ME3: variants seen among roughly 807,000 people sequenced by gnomAD.
The protein encoded by ME3 is malic enzyme 3, also known as NADP-dependent malic enzyme, mitochondrial.
A neutral mutation model predicts 68.9 loss-of-function variants in ME3; 48 were observed. The observed-to-expected ratio is 0.70, with a 90% confidence interval of 0.55 to 0.89. ME3 has a LOEUF of 0.89. Ranked by LOEUF, ME3 falls within the 40% of genes least tolerant of loss-of-function variation. The pLI is 0.00. For synonymous variants in ME3, 320 were observed against 318.8 expected (o/e 1.00, Z -0.04); for missense variants, 675 against 797.4 (o/e 0.85, Z 1.85).
intron 7 of ME3, among the ~76,000 whole-genome samples, chr11:86,486,464 A>AT (rs1227329664): frequency 6.6e-6 from 1 of 152,164 alleles, no homozygotes; most frequent in Non-Finnish European, 1.5e-5. Flanking sequence ...GCCCACCCAG[A>AT]TGAGACTTTG....
chr11:86,461,324 G>A (rs554962402), intron 8 of ME3, among the ~76,000 whole-genome samples: 12 of 152,312 alleles, frequency 7.9e-5, no homozygotes, highest in African/African-American at 2.6e-4. Flanking sequence ...GTGAGGGAGG[G>A]GGGGATGTTG....
intron 2 of ME3, among the ~76,000 whole-genome samples, chr11:86,644,152 A>T (rs534616261): frequency 2.0e-5 from 3 of 152,274 alleles, no homozygotes; most frequent in Admixed American, 2.0e-4. Context: ...CCAAGAACAC[A>T]GTGGGGCAGC....
intron 2 of ME3, among the ~76,000 whole-genome samples, chr11:86,634,464 A>T (rs984143991): frequency 6.6e-6 from 1 of 152,206 alleles, no homozygotes; most frequent in Non-Finnish European, 1.5e-5. Context: ...TAATCAGATC[A>T]TGAGACTGTC....
chr11:86,516,264 C>T (rs185471350), intron 4 of ME3, among the ~76,000 whole-genome samples: 2 of 152,184 alleles, frequency 1.3e-5, no homozygotes, highest in Non-Finnish European at 2.9e-5. Context: ...GGCATGCTAC[C>T]TACCTATGGA....
intron 2 of ME3, among the ~76,000 whole-genome samples, chr11:86,635,322 G>A (rs542618853): frequency 2.0e-5 from 3 of 152,308 alleles, no homozygotes; most frequent in African/African-American, 7.2e-5. Flanking sequence ...ACGTGAGGAC[G>A]CCGTGAGAAT....
At chr11:86,606,796 G>A (rs1046823381) in intron 2 of ME3, among the ~76,000 whole-genome samples, 2 of 152,168 alleles carry the variant, frequency 1.3e-5, no homozygotes, top group African/African-American at 4.8e-5. Flanking sequence ...TATTTGTCTT[G>A]AAAATCTGGC....
At chr11:86,493,736 T>C (rs1489653926) in intron 6 of ME3, among the ~76,000 whole-genome samples, 2 of 152,220 alleles carry the variant, frequency 1.3e-5, no homozygotes, top group East Asian at 3.9e-4. Flanking sequence ...CTCCTTGGTA[T>C]TGGCAGGTAA....
chr11:86,515,960 G>C (rs1024196050), intron 4 of ME3, among the ~76,000 whole-genome samples: 1 of 152,104 alleles, frequency 6.6e-6, no homozygotes, highest in Non-Finnish European at 1.5e-5. Context: ...TAGGCTGCCC[G>C]GGGATCCCAA....
At chr11:86,668,636 T>A (rs2135524001) in intron 2 of ME3, among the ~76,000 whole-genome samples, 1 of 152,340 alleles carries the variant, frequency 6.6e-6, no homozygotes, top group Middle Eastern at 3.4e-3. Context: ...ACAGATCACA[T>A]GGCCAGAGCA....
chr11:86,517,313 A>G (rs1408221434), intron 4 of ME3, among the ~76,000 whole-genome samples: 1 of 152,122 alleles, frequency 6.6e-6, no homozygotes, highest in Non-Finnish European at 1.5e-5. Flanking sequence ...AGTTCCAGAT[A>G]AGACTACTTC....
intron 4 of ME3, among the ~76,000 whole-genome samples, chr11:86,549,355 T>TA (rs1956546880): frequency 6.6e-6 from 1 of 152,240 alleles, no homozygotes; most frequent in South Asian, 2.1e-4. Context: ...CCTCTTTCCA[T>TA]AATATTCCTT....
At position 86,510,640 on chromosome 11, in the gene ME3, G is replaced by C. The variant is rs687669; in HGVS notation, c.468-1773C>G. Among the ~76,000 whole-genome samples, 360 of 152,132 alleles carry C rather than the reference G, an allele frequency of 2.4e-3. 11 individuals are homozygous for C. In the East Asian group the frequency reaches 0.058, roughly 25 times the overall value. ...TTGTCCTGCACATTGTAGCATGTTT[G>C]GCAACATCCTTGGCCTCTACTTTCC... On this transcript the variant is annotated intron_variant, in intron 4 of 14. Transcript: ENST00000543262.
chr11:86,509,398 T>TCACACA (rs3045014), intron 4 of ME3, among the ~76,000 whole-genome samples: 19 of 144,658 alleles, frequency 1.3e-4, no homozygotes, highest in African/African-American at 3.9e-4. Context: ...TACTCCATCA[T>TCACACA]CACACACACA....
chr11:86,657,280 A>G (rs1022801599), intron 2 of ME3, among the ~76,000 whole-genome samples: 3 of 152,190 alleles, frequency 2.0e-5, no homozygotes, highest in Admixed American at 1.3e-4. Context: ...ATGGAATACT[A>G]TGCAGCCATA....
intron 4 of ME3, among the ~76,000 whole-genome samples, chr11:86,548,620 T>A (rs1956496997): frequency 6.6e-6 from 1 of 152,176 alleles, no homozygotes; most frequent in Admixed American, 6.5e-5. Flanking sequence ...TACTTTTGCA[T>A]TTTCCTCCCT....
At chr11:86,450,479 A>C in intron 8 of ME3, 81 bp from the exon 9 acceptor site, 2 of 1,168,728 alleles carry the variant, frequency 1.7e-6, no homozygotes, top group Non-Finnish European at 2.5e-6. Flanking sequence ...AGTTCCCCAC[A>C]TCTGGGACTG....
At chr11:86,569,430 C>G (rs1957669687) in intron 2 of ME3, among the ~76,000 whole-genome samples, 1 of 152,294 alleles carries the variant, frequency 6.6e-6, no homozygotes, top group African/African-American at 2.4e-5. Context: ...CCTGCAACCT[C>G]CAGGAGGCCT....
chr11:86,583,293 G>C (rs1397334867), intron 2 of ME3, among the ~76,000 whole-genome samples: 1 of 152,192 alleles, frequency 6.6e-6, no homozygotes, highest in Admixed American at 6.5e-5. Context: ...TGACACAGCA[G>C]ATATTAGGTT....
At chr11:86,644,520 C>A (rs748478194) in intron 2 of ME3, among the ~76,000 whole-genome samples, 1 of 152,166 alleles carries the variant, frequency 6.6e-6, no homozygotes, top group Non-Finnish European at 1.5e-5. Context: ...TCCTATTAGA[C>A]TGCCTATTGT....
Sources: allele counts gnomAD v4.1 joint callset (sites outside exome capture counted in the v4.1 genomes callset), GRCh38; gene constraint gnomAD v4.1.1; transcripts MANE v1.5; gene names NCBI Gene and HGNC (gene_info 2026-07-23, HGNC 2026-07-21).